GALNTL6: variants seen among roughly 807,000 people sequenced by gnomAD.
The protein encoded by GALNTL6 is polypeptide N-acetylgalactosaminyltransferase-like 6.
GALNTL6 carries 46 observed loss-of-function variants against 73.7 expected under a neutral mutation model. The observed-to-expected ratio is 0.62, with a 90% CI of 0.49 to 0.80. GALNTL6 has a LOEUF of 0.80. Ranked by LOEUF, GALNTL6 falls within the 30% of genes least tolerant of loss-of-function variation. The pLI is 0.00. For missense variants in GALNTL6, 604 were observed against 755.0 expected (o/e 0.80, Z 2.34); for synonymous variants, 259 against 263.7 (o/e 0.98, Z 0.17).
intron 9 of GALNTL6, among the ~76,000 whole-genome samples, chr4:172,949,652 G>A (rs1454295103): frequency 6.6e-6 from 1 of 152,102 alleles, no homozygotes; most frequent in Non-Finnish European, 1.5e-5. Flanking sequence ...GCTCACAGCT[G>A]TAATCCCAGC....
chr4:172,369,429 C>T (rs1312654708), intron 5 of GALNTL6, among the ~76,000 whole-genome samples: 2 of 152,204 alleles, frequency 1.3e-5, no homozygotes, highest in Non-Finnish European at 2.9e-5. Context: ...CTAGTGGATC[C>T]CGTGCCAGGG....
intron 3 of GALNTL6, among the ~76,000 whole-genome samples, chr4:172,301,556 T>C (rs1202967986): frequency 6.6e-6 from 1 of 152,220 alleles, no homozygotes; most frequent in African/African-American, 2.4e-5. Context: ...GGTGTGGATG[T>C]CCTTTCTGTT....
intron 2 of GALNTL6, among the ~76,000 whole-genome samples, chr4:172,177,808 T>TATATGTGTGTGTATATATACACACAC (rs1560955585): frequency 1.2e-4 from 16 of 135,782 alleles, no homozygotes; most frequent in South Asian, 2.1e-4. Flanking sequence ...TACACACACA[T>TATATGTGTGTGTATATATACACACAC]ATATGTGTGT....
intron 10 of GALNTL6, among the ~76,000 whole-genome samples, chr4:172,982,685 A>G (rs1190224505): frequency 6.6e-6 from 1 of 152,206 alleles, no homozygotes; most frequent in African/African-American, 2.4e-5. Context: ...ACAAAAAGAT[A>G]TGTCAAATCC....
chr4:172,050,180 C>T lies in GALNTL6; in HGVS notation c.139-179476C>T, dbSNP rs186846804. On this transcript the variant is annotated intron_variant, in intron 2 of 12. Coordinates refer to ENST00000506823, the MANE Select transcript of GALNTL6 (RefSeq NM_001034845.3). Reference sequence around the variant, plus strand: ...CTATGATGTTATCAAACTAAACTGGCGTAGGCTCACCGGGCCAAGGTTTGC... The same window carrying T: ...CTATGATGTTATCAAACTAAACTGGTGTAGGCTCACCGGGCCAAGGTTTGC... Among the ~76,000 whole-genome samples, 5 of 152,148 alleles carry T rather than the reference C, an allele frequency of 3.3e-5. No individual in the cohort carries two copies. In the East Asian group the frequency reaches 7.7e-4, roughly 24 times the overall value.
rs115734161 is a variant in GALNTL6, at chr4:172,937,076, G to T, written c.1149+5808G>T. ...GGGCAGGCAGAGAGTTACGGAGGGTGTGCGTAGGACCTGTGGAGTTAGCCT... is the reference window on the plus strand; with the variant it reads ...GGGCAGGCAGAGAGTTACGGAGGGTTTGCGTAGGACCTGTGGAGTTAGCCT... On this transcript the variant is annotated intron_variant, in intron 9 of 12. Coordinates refer to ENST00000506823, the MANE Select transcript of GALNTL6 (RefSeq NM_001034845.3). 4.6e-3 allele frequency among the ~76,000 whole-genome samples: 702 copies of T among 152,052 alleles called. 7 individuals carry two copies. The highest frequency in any genetic ancestry group is 0.016 in the African/African-American group (662 of 41,470).
At chr4:172,250,208 C>A (rs1395939832) in intron 3 of GALNTL6, among the ~76,000 whole-genome samples, 1 of 152,106 alleles carries the variant, frequency 6.6e-6, no homozygotes, top group African/African-American at 2.4e-5. Flanking sequence ...TCATGGAGGC[C>A]TGTGGCCCCT....
chr4:171,873,851 A>T (rs1736201581), intron 2 of GALNTL6, among the ~76,000 whole-genome samples: 1 of 152,108 alleles, frequency 6.6e-6, no homozygotes, highest in African/African-American at 2.4e-5. Context: ...GCCTTTGGTA[A>T]CTGCTGAATG....
intron 5 of GALNTL6, among the ~76,000 whole-genome samples, chr4:172,519,063 GTTCGAAGAA>G (rs1390700558): frequency 2.0e-5 from 3 of 150,822 alleles, no homozygotes; most frequent in Non-Finnish European, 4.4e-5. Context: ...AAATTTTATT[GTTCGAAGAA>G]TGTATTTTAG....
At chr4:172,121,604 T>C (rs1448125364) in intron 2 of GALNTL6, among the ~76,000 whole-genome samples, 1 of 152,156 alleles carries the variant, frequency 6.6e-6, no homozygotes, top group East Asian at 1.9e-4. Context: ...TCAGAGACAG[T>C]AATTGATGAG....
At chr4:171,903,065 C>T (rs1353833678) in intron 2 of GALNTL6, among the ~76,000 whole-genome samples, 1 of 152,116 alleles carries the variant, frequency 6.6e-6, no homozygotes, top group Non-Finnish European at 1.5e-5. Context: ...AGCTCATATT[C>T]TAACTCAAGT....
chr4:172,910,248 A>G (rs1199876382), intron 8 of GALNTL6, among the ~76,000 whole-genome samples: 1 of 152,216 alleles, frequency 6.6e-6, no homozygotes, highest in African/African-American at 2.4e-5. Flanking sequence ...AAAATAATAT[A>G]ATATTATAAT....
chr4:172,194,473 A>G (rs1735687999), intron 2 of GALNTL6, among the ~76,000 whole-genome samples: 2 of 152,204 alleles, frequency 1.3e-5, no homozygotes, highest in African/African-American at 2.4e-5. Context: ...ATAATCCATA[A>G]GAAGATCAAC....
chr4:172,761,061 G>A (rs1347509169), intron 5 of GALNTL6, among the ~76,000 whole-genome samples: 10 of 152,118 alleles, frequency 6.6e-5, no homozygotes, highest in Admixed American at 2.0e-4. Context: ...GAAAAATCTA[G>A]GGAGAGAATA....
At chr4:172,288,640 T>G (rs1013079928) in intron 3 of GALNTL6, among the ~76,000 whole-genome samples, 2 of 152,224 alleles carry the variant, frequency 1.3e-5, no homozygotes, top group Non-Finnish European at 2.9e-5. Context: ...TGTTTTCATG[T>G]GTGTTTTCTA....
chr4:172,644,007 C>T (rs1454104464), intron 5 of GALNTL6, among the ~76,000 whole-genome samples: 1 of 151,808 alleles, frequency 6.6e-6, no homozygotes, highest in Non-Finnish European at 1.5e-5. Context: ...ATATTCCTAC[C>T]TTCAATATAT....
At chr4:172,093,351 A>C (rs1269598986) in intron 2 of GALNTL6, among the ~76,000 whole-genome samples, 1 of 151,794 alleles carries the variant, frequency 6.6e-6, no homozygotes, top group Non-Finnish European at 1.5e-5. Flanking sequence ...TTTATTTTGG[A>C]ATAACTTTTA....
At chr4:171,838,138 T>A (rs1350173836) in intron 2 of GALNTL6, among the ~76,000 whole-genome samples, 5 of 121,870 alleles carry the variant, frequency 4.1e-5, no homozygotes, top group Middle Eastern at 4.5e-3. Flanking sequence ...TTATTTATTT[T>A]TTGAGACAGA....
At chr4:172,059,831 A>C (rs2110878497) in intron 2 of GALNTL6, among the ~76,000 whole-genome samples, 1 of 152,318 alleles carries the variant, frequency 6.6e-6, no homozygotes, top group African/African-American at 2.4e-5. Flanking sequence ...CATTGTCATA[A>C]GTCCATTTTC....
Sources: allele counts gnomAD v4.1 joint callset (sites outside exome capture counted in the v4.1 genomes callset), GRCh38; gene constraint gnomAD v4.1.1; transcripts MANE v1.5; gene names NCBI Gene and HGNC (gene_info 2026-07-23, HGNC 2026-07-21).